SH3BP5: variants seen among roughly 807,000 people sequenced by gnomAD.
SH3BP5 encodes SH3 domain binding protein 5.
Under a neutral mutation model 43.3 loss-of-function variants are expected in SH3BP5, and 22 were observed. The observed-to-expected ratio is 0.51, with a 90% CI of 0.36 to 0.73. The LOEUF is 0.73. Among genes scored for constraint, SH3BP5 ranks in the 30% least tolerant of loss-of-function variants. The probability of loss-of-function intolerance (pLI) is 0.00; values close to 1 mark genes in which losing one functional copy is unlikely to be tolerated. For missense variants in SH3BP5, 529 were observed against 586.9 expected (o/e 0.90, Z 1.02); for synonymous variants, 255 against 225.8 (o/e 1.13, Z -1.16).
chr3:15,270,258 T>C (rs1696762405), intron 3 of SH3BP5, among the ~76,000 whole-genome samples: 1 of 152,162 alleles, frequency 6.6e-6, no homozygotes, highest in Non-Finnish European at 1.5e-5. Context: ...GCTCAATTCA[T>C]GGCAAGTCAG....
intron 2 of SH3BP5, among the ~76,000 whole-genome samples, chr3:15,328,420 A>T (rs905573544): frequency 1.9e-3 from 181 of 96,930 alleles, no homozygotes; most frequent in African/African-American, 5.7e-3. Flanking sequence ...CAATGCTTTT[A>T]AAAAAAAAAA....
intron 2 of SH3BP5, among the ~76,000 whole-genome samples, chr3:15,309,906 A>AC (rs67572916): frequency 0.16 from 20,467 of 124,084 alleles, 1,140 homozygotes; most frequent in Middle Eastern, 0.26. Flanking sequence ...TCCCCGCTCC[A>AC]CCCCCCCCCC....
chr3:15,285,617 T>C (rs949673450), intron 3 of SH3BP5, among the ~76,000 whole-genome samples: 47 of 152,102 alleles, frequency 3.1e-4, no homozygotes, highest in African/African-American at 1.1e-3. Context: ...TCACGAATTA[T>C]TTCACCATTC....
At chr3:15,302,732 C>A (rs1307073043) in intron 3 of SH3BP5, among the ~76,000 whole-genome samples, 1 of 152,146 alleles carries the variant, frequency 6.6e-6, no homozygotes, top group Non-Finnish European at 1.5e-5. Flanking sequence ...ATATCTCCCC[C>A]ACAGTGCACA....
intron 1 of SH3BP5, among the ~76,000 whole-genome samples, chr3:15,340,440 C>A (rs138709298): frequency 4.6e-5 from 7 of 152,102 alleles, no homozygotes; most frequent in African/African-American, 1.2e-4. Context: ...AGCTTATAGT[C>A]CAAGGGAAGA....
chr3:15,321,187 TAC>T (rs1698316025), intron 2 of SH3BP5, among the ~76,000 whole-genome samples: 1 of 152,250 alleles, frequency 6.6e-6, no homozygotes, highest in Non-Finnish European at 1.5e-5. Flanking sequence ...AACAGTCAAA[TAC>T]ACAGAGTAAC....
chr3:15,299,874 A>T (rs974408514), intron 3 of SH3BP5, among the ~76,000 whole-genome samples: 11 of 152,104 alleles, frequency 7.2e-5, no homozygotes, highest in African/African-American at 2.7e-4. Context: ...AGACATAAAA[A>T]ACCACCACTA....
At chr3:15,269,450 C>T (rs1013339374) in intron 4 of SH3BP5, among the ~76,000 whole-genome samples, 12 of 152,176 alleles carry the variant, frequency 7.9e-5, no homozygotes, top group Non-Finnish European at 1.3e-4. Flanking sequence ...TCAAGACCCC[C>T]TGGGGATGAC....
chr3:15,294,290 AGTGTGTGT>A (rs10522979), intron 3 of SH3BP5, among the ~76,000 whole-genome samples: 1,562 of 138,218 alleles, frequency 0.011, 23 homozygotes, highest in African/African-American at 0.037. Flanking sequence ...TGCAAAAGTA[AGTGTGTGT>A]GTGTGTGTGT....
At chr3:15,292,341 G>A (rs1449252100) in intron 3 of SH3BP5, among the ~76,000 whole-genome samples, 3 of 152,144 alleles carry the variant, frequency 2.0e-5, no homozygotes, top group Non-Finnish European at 2.9e-5. Flanking sequence ...GCAGCACCAA[G>A]GGGGGCTCAG....
chr3:15,260,020 AC>A, intron 5 of SH3BP5: 1 of 588,406 alleles, frequency 1.7e-6, no homozygotes, highest in South Asian at 2.0e-5. Flanking sequence ...GGCTATATTA[AC>A]AGGAGGCCCA....
chr3:15,339,343 G>A (rs1342049574), intron 1 of SH3BP5, among the ~76,000 whole-genome samples: 1 of 152,176 alleles, frequency 6.6e-6, no homozygotes, highest in African/African-American at 2.4e-5. Context: ...GATTTTCAGT[G>A]TATATCTGTA....
rs1205024720 is a variant in SH3BP5, at chr3:15,256,216, C to T, written c.1238G>A (p.Ser413Asn). The T allele has an allele frequency of 6.2e-7, 1 of 1,613,930 alleles. No individual in the cohort carries two copies. Among genetic ancestry groups the T allele is most frequent in the African/African-American group, 1.3e-5 (1 of 74,806 alleles). Reference protein sequence around the residue: ...GLSSSSGSGGSSKSQSSTSPE... With the variant: ...GLSSSSGSGGNSKSQSSTSPE... ...GGAGGTGCTGCTTTGGCTCTTACTG[C>T]TGCCACCACTGCCACTGCTACTGCT... Residue 413 changes from serine to asparagine, a missense_variant, in exon 9 of 9, where the codon AGC becomes AAC. By Grantham distance (46) the Ser-to-Asn change is conservative. Transcript: ENST00000383791.
intron 3 of SH3BP5, among the ~76,000 whole-genome samples, chr3:15,274,878 C>T (rs1322462852): frequency 6.6e-6 from 1 of 152,218 alleles, no homozygotes; most frequent in African/African-American, 2.4e-5. Context: ...AACCAGATCT[C>T]ATGAGAACTC....
intron 2 of SH3BP5, among the ~76,000 whole-genome samples, chr3:15,309,201 G>A (rs1405943599): frequency 2.6e-5 from 4 of 152,152 alleles, no homozygotes; most frequent in African/African-American, 9.7e-5. Flanking sequence ...ACCTCCATCA[G>A]CTAAAATACA....
At chr3:15,296,720 G>T (rs1191583606) in intron 3 of SH3BP5, among the ~76,000 whole-genome samples, 11 of 119,254 alleles carry the variant, frequency 9.2e-5, no homozygotes, top group African/African-American at 4.8e-4. Context: ...TTGAGACAGG[G>T]TCTCACTCTT....
chr3:15,330,737 T>C, intron 1 of SH3BP5, 171 bp from the exon 2 acceptor site: 1 of 985,358 alleles, frequency 1.0e-6, no homozygotes, highest in South Asian at 4.7e-5. Flanking sequence ...AGCAAATGAA[T>C]GTCGGCATTT....
chr3:15,318,377 G>A (rs957163216), intron 2 of SH3BP5, among the ~76,000 whole-genome samples: 1 of 151,938 alleles, frequency 6.6e-6, no homozygotes, highest in African/African-American at 2.4e-5. Flanking sequence ...CATTTTAGAA[G>A]GAAATTAAAC....
intron 2 of SH3BP5, among the ~76,000 whole-genome samples, chr3:15,304,994 T>G (rs538421212): frequency 3.2e-4 from 49 of 151,364 alleles, no homozygotes; most frequent in African/African-American, 1.1e-3. Flanking sequence ...GGGGGACACC[T>G]GTAATCCCAG....
Sources: gnomAD v4.1 joint callset for allele counts (sites outside exome capture counted in the v4.1 genomes callset) on GRCh38, gnomAD v4.1.1 for gene constraint, MANE v1.5 for transcripts, NCBI Gene and HGNC (gene_info 2026-07-23, HGNC 2026-07-21) for gene names.